Variants in SLC24A4 observed in about 807,000 individuals in gnomAD.
SLC24A4 encodes sodium/potassium/calcium exchanger 4.
SLC24A4 carries 53 observed loss-of-function variants against 79.0 expected under a neutral mutation model. That is an observed-to-expected ratio of 0.67 (90% CI 0.54 to 0.84). The LOEUF (loss-of-function observed/expected upper bound fraction) is 0.84, where lower values mean the gene tolerates loss of function less well. SLC24A4 is among the 40% of genes least tolerant of loss of function. The pLI, the probability that SLC24A4 is intolerant of heterozygous loss-of-function variation, is 0.00. For missense variants in SLC24A4, 731 were observed against 822.0 expected, an observed-to-expected ratio of 0.89 and a Z score of 1.35; for synonymous variants, 323 against 323.8, an observed-to-expected ratio of 1.00 and a Z score of 0.03.
chr14:92,467,802 C>T (rs543235578), intron 12 of SLC24A4, among the ~76,000 whole-genome samples: 11 of 152,296 alleles, frequency 7.2e-5, no homozygotes, highest in East Asian at 3.9e-4. Context: ...GAAGCCCACA[C>T]GAGCTGCCTT....
chr14:92,440,284 T>C (rs1892417433), intron 4 of SLC24A4, among the ~76,000 whole-genome samples: 1 of 152,280 alleles, frequency 6.6e-6, no homozygotes, highest in East Asian at 1.9e-4. Flanking sequence ...AGCCATGTGC[T>C]CGCCTCCATC....
intron 13 of SLC24A4, 78 bp downstream of exon 13, chr14:92,482,924 G>T: frequency 7.0e-7 from 1 of 1,420,196 alleles, no homozygotes; most frequent in Non-Finnish European, 9.5e-7. Context: ...CTAACCACAG[G>T]TACTGCTGTG....
At chr14:92,343,788 C>T (rs571847231) in intron 2 of SLC24A4, among the ~76,000 whole-genome samples, 3 of 151,480 alleles carry the variant, frequency 2.0e-5, no homozygotes, top group Non-Finnish European at 2.9e-5. Context: ...CTGCATCCTC[C>T]GCCTCCCAGG....
At chr14:92,391,857 A>C (rs530618227) in intron 2 of SLC24A4, among the ~76,000 whole-genome samples, 72 of 152,308 alleles carry the variant, frequency 4.7e-4, no homozygotes, top group Non-Finnish European at 9.3e-4. Context: ...CACCGCCAGC[A>C]CCAGCTGCCG....
rs1213522762 is a variant in SLC24A4, at chr14:92,441,523, C to T, written c.394-566C>T. On this transcript the variant is annotated intron_variant, in intron 4 of 16. Coordinates refer to ENST00000532405, the MANE Select transcript of SLC24A4 (RefSeq NM_153646.4). The surrounding 1 kb of genome is among the most constrained non-coding windows in gnomAD (Gnocchi z 4.6). ...GCTGCAGGCCAGAGGCCTCCAGATCCACAATGCTGACATTCTCATTGAGGC... is the reference window on the plus strand; with the variant it reads ...GCTGCAGGCCAGAGGCCTCCAGATCTACAATGCTGACATTCTCATTGAGGC... Among the ~76,000 whole-genome samples, 1 of 152,212 alleles carries T rather than the reference C, an allele frequency of 6.6e-6. No individual in the cohort carries two copies.
At chr14:92,475,052 G>A (rs1894692790) in intron 12 of SLC24A4, among the ~76,000 whole-genome samples, 1 of 151,112 alleles carries the variant, frequency 6.6e-6, no homozygotes, top group Non-Finnish European at 1.5e-5. Context: ...ATGGTGAGAT[G>A]TGCCATTTAC....
chr14:92,339,904 G>A (rs1595135172), intron 2 of SLC24A4, among the ~76,000 whole-genome samples: 1 of 152,240 alleles, frequency 6.6e-6, no homozygotes, highest in African/African-American at 2.4e-5. Flanking sequence ...TTATTGCAAA[G>A]AGTCTTAGGC....
intron 2 of SLC24A4, among the ~76,000 whole-genome samples, chr14:92,409,481 G>A (rs1053415248): frequency 6.6e-6 from 1 of 152,204 alleles, no homozygotes; most frequent in African/African-American, 2.4e-5. Flanking sequence ...GTGTTCAAGA[G>A]TTCCTTTGTT....
At chr14:92,461,197 C>A (rs1893788014) in intron 12 of SLC24A4, among the ~76,000 whole-genome samples, 1 of 152,214 alleles carries the variant, frequency 6.6e-6, no homozygotes, top group Non-Finnish European at 1.5e-5. Flanking sequence ...GCCAACAGGA[C>A]TCTCTCCTGC....
rs1433588627 is a variant in SLC24A4, at chr14:92,492,180, G to A, written c.1656G>A (p.Lys552=). The A allele has an allele frequency of 3.7e-6, 6 of 1,613,908 alleles. 1 individual carries two copies. The South Asian group carries it at 5.5e-5, about 15-fold the overall frequency. Residue 552 remains lysine, a synonymous_variant, in exon 16 of 17, where the codon AAG becomes AAA. Coordinates refer to ENST00000532405, the MANE Select transcript of SLC24A4 (RefSeq NM_153646.4). ...TMVVNYGSTV[K]INSRGLVYSV... Reference sequence around the variant, plus strand: ...ACGTGTGTTTGATTTTCCAGGTGAAGATCAACAGCCGGGGGCTGGTCTATT... The same window carrying A: ...ACGTGTGTTTGATTTTCCAGGTGAAAATCAACAGCCGGGGGCTGGTCTATT...
chr14:92,406,752 C>T (rs1203760243), intron 2 of SLC24A4, among the ~76,000 whole-genome samples: 1 of 152,142 alleles, frequency 6.6e-6, no homozygotes, highest in Non-Finnish European at 1.5e-5. Context: ...GAGCTCTGGG[C>T]CCTGCCTATG....
intron 2 of SLC24A4, among the ~76,000 whole-genome samples, chr14:92,365,705 A>G (rs781368409): frequency 1.3e-5 from 2 of 152,158 alleles, no homozygotes; most frequent in Non-Finnish European, 2.9e-5. Flanking sequence ...AGGTGACTAT[A>G]TTGGCCACTT....
intron 2 of SLC24A4, among the ~76,000 whole-genome samples, chr14:92,334,594 G>A (rs2141602854): frequency 6.6e-6 from 1 of 152,258 alleles, no homozygotes. Context: ...TAAGTACAAA[G>A]ATTTTCAGCA....
chr14:92,385,528 T>C (rs552732139), intron 2 of SLC24A4, among the ~76,000 whole-genome samples: 1 of 152,210 alleles, frequency 6.6e-6, no homozygotes, highest in East Asian at 1.9e-4. Context: ...ATGTTATTTT[T>C]AATTACGTAC....
At chr14:92,481,027 G>A (rs148511275) in intron 12 of SLC24A4, among the ~76,000 whole-genome samples, 1 of 152,314 alleles carries the variant, frequency 6.6e-6, no homozygotes, top group Non-Finnish European at 1.5e-5. Context: ...GGATCCAATC[G>A]TTCTCCCAGT....
chr14:92,360,592 C>T (rs558836890), intron 2 of SLC24A4, among the ~76,000 whole-genome samples: 2 of 152,368 alleles, frequency 1.3e-5, no homozygotes, highest in Admixed American at 6.5e-5. Flanking sequence ...TACATGTTGC[C>T]TGTATACATG....
chr14:92,439,706 C>T (rs116409673), intron 4 of SLC24A4, among the ~76,000 whole-genome samples: 2,931 of 152,358 alleles, frequency 0.019, 91 homozygotes, highest in African/African-American at 0.067. Flanking sequence ...TGGCTAAGTA[C>T]AAAGCCCAGG....
intron 2 of SLC24A4, among the ~76,000 whole-genome samples, chr14:92,409,296 C>T (rs1229760616): frequency 6.6e-6 from 1 of 152,168 alleles, no homozygotes; most frequent in Non-Finnish European, 1.5e-5. Context: ...AGGGGAGTGT[C>T]AGAGCCAAGT....
rs1343373589 is a variant in SLC24A4, at chr14:92,493,689, C to G, written c.*61C>G. ...CCCTGTGACACTGGCGTTCTCCTCTCCCCTCCTTCCCCCACCACAGGTCTC... is the reference window on the plus strand; with the variant it reads ...CCCTGTGACACTGGCGTTCTCCTCTGCCCTCCTTCCCCCACCACAGGTCTC... On this transcript the variant is annotated 3_prime_UTR_variant, in exon 17 of 17. Transcript: ENST00000532405. 1 of 1,554,984 alleles carries G rather than the reference C, an allele frequency of 6.4e-7. No individual in the cohort carries two copies. Among genetic ancestry groups the G allele is most frequent in the African/African-American group, 1.4e-5 (1 of 73,970 alleles).
Sources: allele counts gnomAD v4.1 joint callset (sites outside exome capture counted in the v4.1 genomes callset), GRCh38; gene constraint gnomAD v4.1.1; non-coding constraint Gnocchi (gnomAD v3.1); transcripts MANE v1.5; gene names NCBI Gene and HGNC (gene_info 2026-07-23, HGNC 2026-07-21).